DDAH1: variants seen among roughly 807,000 people sequenced by gnomAD.
DDAH1 encodes the protein dimethylarginine dimethylaminohydrolase 1.
Under a neutral mutation model 28.8 loss-of-function variants are expected in DDAH1, and 19 were observed. The ratio of observed to expected loss-of-function variants is 0.66; its 90% CI spans 0.46 to 0.97. The LOEUF (loss-of-function observed/expected upper bound fraction) is 0.97, where lower values mean the gene tolerates loss of function less well. Among genes scored for constraint, DDAH1 ranks in the 50% least tolerant of loss-of-function variants. The probability of loss-of-function intolerance (pLI) is 0.00; values close to 1 mark genes in which losing one functional copy is unlikely to be tolerated. For missense variants in DDAH1, 326 were observed against 375.9 expected, an observed-to-expected ratio of 0.87 and a Z score of 1.10; for synonymous variants, 153 against 154.4, an observed-to-expected ratio of 0.99 and a Z score of 0.07.
chr1:85,504,427 ATCTCCTGGGTCAC>A (rs769280660), intron 1 of DDAH1, among the ~76,000 whole-genome samples: 44 of 152,034 alleles, frequency 2.9e-4, no homozygotes, highest in Admixed American at 1.2e-3. Flanking sequence ...CTGTGATAAA[ATCTCCTGGGTCAC>A]TCTCCTGGGT....
At chr1:85,434,302 T>C (rs1321137292) in intron 1 of DDAH1, among the ~76,000 whole-genome samples, 3 of 152,204 alleles carry the variant, frequency 2.0e-5, no homozygotes, top group Non-Finnish European at 4.4e-5. Context: ...GATGCCTCCT[T>C]ACCAGATTTT....
In DDAH1 at chr1:85,401,569, G is replaced by A. The variant is rs535847644; in HGVS notation, c.304-42722C>T. ...TGCTGGAGTACAGTCGCATGACCAA[G>A]GTTCACTGTCACCTTGATCTCCTGG... On this transcript the variant is annotated intron_variant, in intron 1 of 5. Coordinates refer to ENST00000284031, the MANE Select transcript of DDAH1 (RefSeq NM_012137.4). Among the ~76,000 whole-genome samples the A allele has an allele frequency of 2.7e-5, 4 of 149,842 alleles. No homozygotes were observed. The South Asian group carries it at 6.4e-4, about 24-fold the overall frequency.
intron 1 of DDAH1, among the ~76,000 whole-genome samples, chr1:85,504,182 A>G (rs527303250): frequency 6.6e-6 from 1 of 152,334 alleles, no homozygotes; most frequent in East Asian, 1.9e-4. Context: ...TGATGGCTCT[A>G]TAACTCCACG....
intron 3 of DDAH1, 152 bp from the exon 4 acceptor site, chr1:85,350,686 CTAGT>C (rs1362526502): frequency 3.3e-6 from 3 of 899,164 alleles, no homozygotes; most frequent in Middle Eastern, 3.3e-4. Context: ...TTGGATATTG[CTAGT>C]TAAACGAAGA....
intron 1 of DDAH1, among the ~76,000 whole-genome samples, chr1:85,536,412 G>C (rs1202769044): frequency 1.3e-5 from 2 of 151,834 alleles, no homozygotes; most frequent in African/African-American, 4.8e-5. Flanking sequence ...AATTAGCTGG[G>C]TGTGGGGGCA....
chr1:85,533,417 A>G (rs1368106062), intron 1 of DDAH1, among the ~76,000 whole-genome samples: 3 of 151,982 alleles, frequency 2.0e-5, no homozygotes, highest in South Asian at 2.1e-4. Context: ...CTGGCCTCCT[A>G]AAGTGTGATT....
intron 1 of DDAH1, chr1:85,399,751 ATCTT>A (rs895154160): frequency 3.3e-5 from 5 of 152,144 alleles, no homozygotes. Context: ...ATGCTAACCA[ATCTT>A]TCTATTTTTC....
chr1:85,339,183 T>C (rs1469455596), intron 4 of DDAH1, among the ~76,000 whole-genome samples: 1 of 151,932 alleles, frequency 6.6e-6, no homozygotes, highest in Non-Finnish European at 1.5e-5. Flanking sequence ...AAAAAAGAAA[T>C]AAGTGATTAG....
chr1:85,465,172 G>A (rs941131773), upstream of DDAH1: 26 of 1,144,480 alleles, frequency 2.3e-5, no homozygotes, highest in Non-Finnish European at 2.8e-5. Flanking sequence ...TGCAGAAGGA[G>A]CCCAGCTCGC....
chr1:85,332,643 G>A (rs188644569), intron 4 of DDAH1, among the ~76,000 whole-genome samples: 18 of 152,102 alleles, frequency 1.2e-4, no homozygotes, highest in Admixed American at 9.8e-4. Context: ...CATTGCCTGG[G>A]GGCCTAGGGA....
chr1:85,463,803 A>G (rs926517318), intron 1 of DDAH1, among the ~76,000 whole-genome samples: 9 of 152,210 alleles, frequency 5.9e-5, no homozygotes, highest in African/African-American at 1.9e-4. Context: ...CTGGATGCCA[A>G]TAGCAACGGA....
At chr1:85,412,636 G>C (rs1652707253) in intron 1 of DDAH1, among the ~76,000 whole-genome samples, 1 of 152,096 alleles carries the variant, frequency 6.6e-6, no homozygotes, top group African/African-American at 2.4e-5. Context: ...CTCATCCTTG[G>C]AAAAGCATCA....
intron 2 of DDAH1, among the ~76,000 whole-genome samples, chr1:85,479,566 C>G (rs1755314): frequency 3.2e-4 from 49 of 152,204 alleles, no homozygotes; most frequent in African/African-American, 1.1e-3. Flanking sequence ...GGGGTTTTCA[C>G]CACTAATTGC....
intron 1 of DDAH1, among the ~76,000 whole-genome samples, chr1:85,533,923 G>T (rs1658177270): frequency 6.6e-6 from 1 of 152,230 alleles, no homozygotes; most frequent in South Asian, 2.1e-4. Context: ...TTGGATGGCG[G>T]TGGAGAAGGT....
chr1:85,570,003 A>C (rs1241687858), intron 1 of DDAH1, among the ~76,000 whole-genome samples: 1 of 152,210 alleles, frequency 6.6e-6, no homozygotes, highest in African/African-American at 2.4e-5. Flanking sequence ...CAGGAGCTTC[A>C]GATTTAAACC....
At chr1:85,446,621 T>A (rs1459947148) in intron 1 of DDAH1, among the ~76,000 whole-genome samples, 3 of 152,170 alleles carry the variant, frequency 2.0e-5, no homozygotes, top group Admixed American at 6.5e-5. Flanking sequence ...AATTTCTACC[T>A]TTTGAGGCCT....
At chr1:85,433,286 G>A (rs1653784239) in intron 1 of DDAH1, among the ~76,000 whole-genome samples, 1 of 152,168 alleles carries the variant, frequency 6.6e-6, no homozygotes, top group South Asian at 2.1e-4. Context: ...GAAGAGGGCA[G>A]CAGAGGAGCA....
intron 1 of DDAH1, among the ~76,000 whole-genome samples, chr1:85,394,698 G>C (rs912872081): frequency 2.6e-5 from 4 of 152,138 alleles, no homozygotes; most frequent in African/African-American, 9.7e-5. Flanking sequence ...GGCCAGCTTT[G>C]TTTAACGACC....
At position 85,533,192 on chromosome 1, in the gene DDAH1, C is replaced by T. The variant is rs1424646520; in HGVS notation, c.-122-36911G>A. ...CAAGACACCAAGTATTAATTTTCAC[C>T]GTGTAGACATTAGAGGGAAAATCTC... On this transcript the variant is annotated intron_variant, in intron 1 of 6. Coordinates refer to the DDAH1 transcript ENST00000426972. Among the ~76,000 whole-genome samples, 7 of 152,178 alleles carry T rather than the reference C, an allele frequency of 4.6e-5. No individual in the cohort carries two copies. In the East Asian group the frequency reaches 1.2e-3, roughly 25 times the overall value.
Sources: gnomAD v4.1 joint callset for allele counts (sites outside exome capture counted in the v4.1 genomes callset) on GRCh38, gnomAD v4.1.1 for gene constraint, MANE v1.5 for transcripts, NCBI Gene and HGNC (gene_info 2026-07-23, HGNC 2026-07-21) for gene names.